TMBIM4: variants seen among roughly 807,000 people sequenced by gnomAD.
TMBIM4 encodes the protein protein lifeguard 4.
In TMBIM4, 28 loss-of-function variants were observed where a neutral mutation model predicts 27.7. The observed-to-expected ratio is 1.01, with a 90% CI of 0.75 to 1.38. The LOEUF (loss-of-function observed/expected upper bound fraction) is 1.38. TMBIM4 is among the 40% of genes most tolerant of loss of function. TMBIM4 has a pLI of 0.00. For synonymous variants in TMBIM4, 115 were observed against 113.1 expected, an observed-to-expected ratio of 1.02 and a Z score of -0.11; for missense variants, 265 against 277.5, an observed-to-expected ratio of 0.95 and a Z score of 0.32.
At chr12:66,169,552 GT>G (rs1477394353) in intron 1 of TMBIM4, 2 of 479,608 alleles carry the variant, frequency 4.2e-6, no homozygotes, top group Non-Finnish European at 7.3e-6. Flanking sequence ...GGCTGCGGCG[GT>G]TTCCATCTGT....
At chr12:66,139,547 C>T (rs2051632710) in intron 5 of TMBIM4, 5 of 446,410 alleles carry the variant, frequency 1.1e-5, no homozygotes, top group South Asian at 7.9e-5. Context: ...GGTTTCCAGG[C>T]CAGCGTGTAG....
intron 1 of TMBIM4, among the ~76,000 whole-genome samples, chr12:66,161,702 C>T (rs768669878): frequency 1.2e-4 from 19 of 152,124 alleles, no homozygotes; most frequent in Non-Finnish European, 2.6e-4. Flanking sequence ...TTGTGGTGAA[C>T]AAATACTGAG....
chr12:66,167,206 A>G (rs1464238513), intron 1 of TMBIM4, among the ~76,000 whole-genome samples: 3 of 152,204 alleles, frequency 2.0e-5, no homozygotes, highest in African/African-American at 4.8e-5. Flanking sequence ...ACATTTGTCA[A>G]ACTCATAGAA....
At chr12:66,147,388 T>C (rs1035965606) in intron 4 of TMBIM4, among the ~76,000 whole-genome samples, 2 of 152,160 alleles carry the variant, frequency 1.3e-5, no homozygotes, top group African/African-American at 2.4e-5. Flanking sequence ...AGGCATTACA[T>C]AGGGTACATC....
chr12:66,136,404 C>G lies in TMBIM4; in HGVS notation c.*1556G>C, dbSNP rs973823374. The G allele has an allele frequency of 6.5e-6, 1 of 154,204 alleles. No individual in the cohort carries two copies. The highest frequency in any genetic ancestry group is 2.4e-5 in the African/African-American group (1 of 41,486). The allele number at this position is 154,204 out of a possible 1,614,324, so 9.6% of individuals were successfully genotyped here. ...GTCAAATTTACATCTACAAATCATG[C>G]AAGCTTAAATTGATACTACAAGTTT... On this transcript the variant is annotated 3_prime_UTR_variant, in exon 7 of 7. Coordinates refer to ENST00000358230, the MANE Select transcript of TMBIM4 (RefSeq NM_016056.4).
At chr12:66,151,782 A>G (rs2051848709) in intron 3 of TMBIM4, among the ~76,000 whole-genome samples, 1 of 152,252 alleles carries the variant, frequency 6.6e-6, no homozygotes, top group Non-Finnish European at 1.5e-5. Context: ...AAAAGTTACT[A>G]ATGCACATAA....
chr12:66,162,110 T>C (rs998763863), intron 1 of TMBIM4, among the ~76,000 whole-genome samples: 2 of 152,100 alleles, frequency 1.3e-5, no homozygotes, highest in Non-Finnish European at 2.9e-5. Flanking sequence ...CACTATAATG[T>C]ATGGCATGCC....
In TMBIM4 at chr12:66,166,378, T is replaced by C. The variant is rs1327105195; in HGVS notation, c.97+3477A>G. Among the ~76,000 whole-genome samples, 5 of 146,916 alleles carry C rather than the reference T, an allele frequency of 3.4e-5. No homozygotes were observed. The East Asian group carries it at 9.9e-4, about 29-fold the overall frequency. ...TACTCAGGAGGCCGAGATGGGAGGA[T>C]CACTTGAGCCTGGGACATTGAGGCT... On this transcript the variant is annotated intron_variant, in intron 1 of 6. Transcript: ENST00000358230.
At position 66,143,882 on chromosome 12, in the gene TMBIM4, A is replaced by G. The variant is rs74097897; in HGVS notation, c.464+1959T>C. ...TTGAGGCGTCACAGTAAGTAGTGCCATTAAGTTTTATTTAAAATGCAATAA... is the reference window on the plus strand; with the variant it reads ...TTGAGGCGTCACAGTAAGTAGTGCCGTTAAGTTTTATTTAAAATGCAATAA... On this transcript the variant is annotated intron_variant, in intron 5 of 6. Coordinates refer to ENST00000358230, the MANE Select transcript of TMBIM4 (RefSeq NM_016056.4). Among the ~76,000 whole-genome samples, 1,379 of 152,290 alleles carry G rather than the reference A, an allele frequency of 9.1e-3. 15 individuals carry two copies. The highest frequency in any genetic ancestry group is 0.031 in the African/African-American group (1,304 of 41,548).
In TMBIM4 at chr12:66,138,108, A is replaced by C; in HGVS notation, c.569T>G (p.Phe190Cys). Residue 190 changes from phenylalanine to cysteine, a missense_variant, in exon 7 of 7, where the codon TTC becomes TGC. Coordinates refer to ENST00000358230, the MANE Select transcript of TMBIM4 (RefSeq NM_016056.4). ...TGTGTCATAGATGATGAATCCACAG[A>C]AAAGAAGGGCTCCTGCAGCGGCTAA... is the stretch of plus-strand genomic sequence containing the variant. ...LVLAAAGALL[F>C]CGFIIYDTHS... is the part of the protein sequence containing the mutation. The C allele has an allele frequency of 6.2e-7, 1 of 1,614,114 alleles. No homozygotes were observed. Among genetic ancestry groups the C allele is most frequent in the Non-Finnish European group, 8.5e-7 (1 of 1,179,972 alleles).
chr12:66,152,610 T>C (rs1010402106), intron 2 of TMBIM4, among the ~76,000 whole-genome samples: 1 of 152,076 alleles, frequency 6.6e-6, no homozygotes, highest in Admixed American at 6.5e-5. Context: ...GGAAACTTTT[T>C]CTTTTTACCA....
chr12:66,160,380 A>C (rs754173264), intron 1 of TMBIM4: 12 of 588,062 alleles, frequency 2.0e-5, no homozygotes, highest in Non-Finnish European at 3.7e-5. Flanking sequence ...ATTTATAGTA[A>C]AGTCATAATG....
chr12:66,151,038 A>T (rs756687498), intron 3 of TMBIM4, among the ~76,000 whole-genome samples: 1 of 152,204 alleles, frequency 6.6e-6, no homozygotes, highest in Non-Finnish European at 1.5e-5. Flanking sequence ...TATTTGCAAT[A>T]ACTTGAGTTA....
chr12:66,159,001 G>C (rs1437679567), intron 1 of TMBIM4, among the ~76,000 whole-genome samples: 1 of 152,178 alleles, frequency 6.6e-6, no homozygotes, highest in Non-Finnish European at 1.5e-5. Context: ...TCTGAACTTT[G>C]AGATGATGCT....
At chr12:66,139,671 G>C (rs1191299494) in intron 5 of TMBIM4, 1 of 456,020 alleles carries the variant, frequency 2.2e-6, no homozygotes, top group East Asian at 6.9e-5. Context: ...AGAAAGAAGA[G>C]AACTATCCAC....
At chr12:66,139,865 A>G (rs1439589232) in intron 5 of TMBIM4, among the ~76,000 whole-genome samples, 1 of 152,222 alleles carries the variant, frequency 6.6e-6, no homozygotes, top group African/African-American at 2.4e-5. Flanking sequence ...AAGCTGGAGT[A>G]GAAAGACCTC....
intron 4 of TMBIM4, among the ~76,000 whole-genome samples, chr12:66,146,316 A>G (rs1468431938): frequency 6.6e-6 from 1 of 152,180 alleles, no homozygotes; most frequent in Non-Finnish European, 1.5e-5. Flanking sequence ...GTGATTGTCC[A>G]TTATGGTTTA....
At chr12:66,169,637 G>A (rs1265484787) in intron 1 of TMBIM4, 1 of 454,792 alleles carries the variant, frequency 2.2e-6, no homozygotes, top group Non-Finnish European at 3.9e-6. Flanking sequence ...TGGGCCTGGC[G>A]CCCTCCCACA....
At chr12:66,139,731 C>A (rs1294607203) in intron 5 of TMBIM4, 1 of 456,020 alleles carries the variant, frequency 2.2e-6, no homozygotes, top group African/African-American at 2.0e-5. Flanking sequence ...GAGTCTGTAG[C>A]TACATTCTGA....
Sources: allele counts gnomAD v4.1 joint callset (sites outside exome capture counted in the v4.1 genomes callset), GRCh38; gene constraint gnomAD v4.1.1; transcripts MANE v1.5; gene names NCBI Gene and HGNC (gene_info 2026-07-23, HGNC 2026-07-21).